Variants in PIK3C2A observed in about 807,000 individuals in gnomAD.
PIK3C2A encodes phosphatidylinositol-4-phosphate 3-kinase catalytic subunit type 2 alpha.
Under a neutral mutation model 204.5 loss-of-function variants are expected in PIK3C2A, and 97 were observed. That is an observed-to-expected ratio of 0.47 (90% CI 0.40 to 0.56). The LOEUF (loss-of-function observed/expected upper bound fraction) is 0.56, where lower values mean the gene tolerates loss of function less well. PIK3C2A is among the 20% of genes least tolerant of loss of function. The pLI is 0.00. For missense variants in PIK3C2A, 1,735 were observed against 1,969.2 expected, an observed-to-expected ratio of 0.88 and a Z score of 2.25; for synonymous variants, 653 against 664.4, an observed-to-expected ratio of 0.98 and a Z score of 0.26.
In PIK3C2A at chr11:17,145,742, C is replaced by T. The variant is rs1389949599; in HGVS notation, c.1641-11G>A. 8 of 1,598,468 alleles carry T rather than the reference C, an allele frequency of 5.0e-6. No homozygotes were observed. Among genetic ancestry groups the T allele is most frequent in the South Asian group, 1.1e-5 (1 of 90,644 alleles). On this transcript the variant is annotated splice_polypyrimidine_tract_variant and intron_variant, in intron 7 of 32. Transcript: ENST00000691414. ...TCTTCAACAGGGTGTCTGAAAGAAA[C>T]AACAGTTATTGTGGCTGAAGGATGC...
chr11:17,106,016 G>T (rs1848803205), intron 22 of PIK3C2A, among the ~76,000 whole-genome samples: 1 of 151,978 alleles, frequency 6.6e-6, no homozygotes, highest in African/African-American at 2.4e-5. Flanking sequence ...GGCTGAGGCA[G>T]GAGAATCCCT....
chr11:17,097,480 T>C (rs1848486844), intron 26 of PIK3C2A, among the ~76,000 whole-genome samples: 1 of 152,238 alleles, frequency 6.6e-6, no homozygotes, highest in South Asian at 2.1e-4. Context: ...CATGCTTGGT[T>C]TTCTTGAACC....
chr11:17,138,109 A>C (rs1849935117), intron 8 of PIK3C2A: 1 of 738,656 alleles, frequency 1.4e-6, no homozygotes. Flanking sequence ...GGCCCTGCTG[A>C]CATGTTTTTT....
At chr11:17,207,280 G>C (rs1297290334) in intron 1 of PIK3C2A, among the ~76,000 whole-genome samples, 1 of 152,170 alleles carries the variant, frequency 6.6e-6, no homozygotes, top group Non-Finnish European at 1.5e-5. Flanking sequence ...TGAAAGAATA[G>C]TGTTCCCAAA....
At chr11:17,128,656 C>T (rs1012030746) in intron 13 of PIK3C2A, among the ~76,000 whole-genome samples, 3 of 152,176 alleles carry the variant, frequency 2.0e-5, no homozygotes, top group African/African-American at 7.2e-5. Context: ...TCTTGATCAT[C>T]TCATGAAACA....
At chr11:17,134,053 A>T (rs1849790058) in intron 11 of PIK3C2A, among the ~76,000 whole-genome samples, 1 of 152,082 alleles carries the variant, frequency 6.6e-6, no homozygotes, top group Non-Finnish European at 1.5e-5. Flanking sequence ...TGGCATGTAA[A>T]GAGTTACATT....
intron 8 of PIK3C2A, among the ~76,000 whole-genome samples, chr11:17,145,273 A>T (rs986884835): frequency 1.3e-5 from 2 of 152,172 alleles, no homozygotes; most frequent in Non-Finnish European, 2.9e-5. Flanking sequence ...GTCCCCCCCA[A>T]ATCTCACCTT....
In PIK3C2A at chr11:17,168,854, T is replaced by G. The variant is rs760875641; in HGVS notation, c.888A>C (p.Ser296=). 1.9e-6 allele frequency: 3 copies of G among 1,614,150 alleles called. No homozygotes were observed. The highest frequency in any genetic ancestry group is 2.5e-6 in the Non-Finnish European group (3 of 1,180,014). ...VLDHEEEKNV[S]SLLAKDPWDA... is the part of the protein sequence containing the mutation. ...CCCAAGGATCCTTTGCTAGCAAACTTGAAACATTTTTCTCTTCCTCATGGT... is the reference window on the plus strand; with the variant it reads ...CCCAAGGATCCTTTGCTAGCAAACTGGAAACATTTTTCTCTTCCTCATGGT... The change falls in exon 2 of 33, where the codon TCA becomes TCC. Residue 296 remains serine (S), a synonymous_variant. Transcript: ENST00000691414.
chr11:17,122,932 T>C, intron 13 of PIK3C2A, 119 bp from the exon 14 acceptor site: 1 of 581,402 alleles, frequency 1.7e-6, no homozygotes, highest in Non-Finnish European at 3.0e-6. Context: ...AGGATATCTT[T>C]AAGAACATAT....
intron 1 of PIK3C2A, among the ~76,000 whole-genome samples, chr11:17,176,035 A>G (rs1182698604): frequency 6.7e-6 from 1 of 148,588 alleles, no homozygotes; most frequent in Non-Finnish European, 1.5e-5. Flanking sequence ...ACAGAGTCTC[A>G]CTCTGTCGCC....
At chr11:17,136,183 G>A (rs1301963930) in intron 9 of PIK3C2A, among the ~76,000 whole-genome samples, 1 of 152,210 alleles carries the variant, frequency 6.6e-6, no homozygotes, top group East Asian at 1.9e-4. Context: ...TGTCCTCCAG[G>A]TCTTCTAAGC....
chr11:17,169,877 C>T, intron 1 of PIK3C2A, 71 bp from the exon 2 acceptor site: 1 of 630,240 alleles, frequency 1.6e-6, no homozygotes, highest in South Asian at 2.2e-5. Flanking sequence ...GCAACCTACC[C>T]CATATGACTT....
At chr11:17,124,627 C>T (rs1408736509) in intron 13 of PIK3C2A, among the ~76,000 whole-genome samples, 1 of 152,184 alleles carries the variant, frequency 6.6e-6, no homozygotes, top group East Asian at 1.9e-4. Flanking sequence ...GGCCTTCACA[C>T]CTGGCTTTGT....
rs771313156 is a variant in PIK3C2A, at chr11:17,129,280, T to C, written c.2399+20A>G. ...AGATGTGTCCACAGTGACTCACCAT[T>C]ACAATTCGGTAATACTTACCGTTTA... On this transcript the variant is annotated intron_variant, in intron 13 of 32. Coordinates refer to ENST00000691414, the MANE Select transcript of PIK3C2A (RefSeq NM_002645.4). 6.2e-6 allele frequency: 10 copies of C among 1,602,848 alleles called. No individual in the cohort carries two copies. In the South Asian group the frequency reaches 7.7e-5, roughly 12 times the overall value.
At position 17,099,966 on chromosome 11, in the gene PIK3C2A, T is replaced by A; in HGVS notation, c.4012A>T (p.Ile1338Phe). ...NLFLNLLSLM[I>F]PSGLPELTSI... ...GTAAGTTCTGGTAACCCTGAAGGAA[T>A]CATCTGTAGAAGAAAACAAAAAGTT... The change falls in exon 26 of 33, where the codon ATT becomes TTT. Residue 1338 changes from isoleucine (I) to phenylalanine (F), a missense_variant. Ile to Phe is a conservative substitution (Grantham distance 21). Coordinates refer to ENST00000691414, the MANE Select transcript of PIK3C2A (RefSeq NM_002645.4). The A allele has an allele frequency of 6.7e-7, 1 of 1,482,704 alleles. No individual in the cohort carries two copies. The highest frequency in any genetic ancestry group is 9.4e-7 in the Non-Finnish European group (1 of 1,067,506). The allele number at this position is 1,482,704 out of a possible 1,614,324, so 91.8% of individuals were successfully genotyped here. A position where few individuals can be genotyped will look rare whatever the true frequency, so the allele number is the denominator to read the frequency against.
At chr11:17,125,042 C>T (rs1343568158) in intron 13 of PIK3C2A, among the ~76,000 whole-genome samples, 1 of 152,198 alleles carries the variant, frequency 6.6e-6, no homozygotes, top group East Asian at 1.9e-4. Context: ...AAGGTACACA[C>T]TCTTTGGGTT....
chr11:17,185,519 T>C (rs1400083233), intron 1 of PIK3C2A, among the ~76,000 whole-genome samples: 1 of 152,204 alleles, frequency 6.6e-6, no homozygotes. Context: ...TCTTGGAACA[T>C]ATCCTACTAA....
At chr11:17,111,814 T>C (rs1251424857) in intron 21 of PIK3C2A, among the ~76,000 whole-genome samples, 3 of 148,294 alleles carry the variant, frequency 2.0e-5, no homozygotes, top group African/African-American at 7.5e-5. Context: ...GAGGTGAAGG[T>C]TGCAGTGAGC....
At chr11:17,096,735 A>G (rs1830816601) in intron 27 of PIK3C2A, among the ~76,000 whole-genome samples, 1 of 152,232 alleles carries the variant, frequency 6.6e-6, no homozygotes, top group South Asian at 2.1e-4. Flanking sequence ...TATCTGTTCA[A>G]AGACAATGTG....
Sources: allele counts gnomAD v4.1 joint callset (sites outside exome capture counted in the v4.1 genomes callset), GRCh38; gene constraint gnomAD v4.1.1; transcripts MANE v1.5; gene names NCBI Gene and HGNC (gene_info 2026-07-23, HGNC 2026-07-21).